TBC1D22B: variants seen among roughly 807,000 people sequenced by gnomAD.
TBC1D22B encodes the protein chromosome 6 open reading frame 197.
Under a neutral mutation model 69.1 loss-of-function variants are expected in TBC1D22B, and 32 were observed. The observed-to-expected ratio is 0.46, with a 90% CI of 0.35 to 0.62. TBC1D22B has a LOEUF of 0.62. TBC1D22B is among the 20% of genes least tolerant of loss of function. The pLI is 0.00. For missense variants in TBC1D22B, 462 were observed against 630.9 expected (o/e 0.73, Z 2.87); for synonymous variants, 206 against 229.8 (o/e 0.90, Z 0.94).
chr6:37,309,200 A>G (rs1767828923), intron 8 of TBC1D22B, among the ~76,000 whole-genome samples: 1 of 152,242 alleles, frequency 6.6e-6, no homozygotes, highest in African/African-American at 2.4e-5. Context: ...GCAAAGTCAC[A>G]TAGCTACTGA....
rs1316815218 is a variant in TBC1D22B at position 37,279,461 on chromosome 6, A to G, written c.271A>G (p.Lys91Glu). The G allele has an allele frequency of 8.7e-6, 14 of 1,614,078 alleles. No homozygotes were observed. Among genetic ancestry groups the G allele is most frequent in the African/African-American group, 1.3e-5 (1 of 74,922 alleles). The stretch of plus-strand genomic sequence containing the variant: ...ACCTTCTTTCCAAACTCTGAACTCA[A>G]AAGTTGCTTTGGCAACTGCAGCCCA... ...SSPSFQTLNSKVALATAAQVL... is the reference protein window; with the variant it reads ...SSPSFQTLNSEVALATAAQVL... Residue 91 changes from lysine to glutamate, a missense_variant, in exon 3 of 13, where the codon AAA (lysine) becomes GAA (glutamate). Physicochemically the swap from Lys to Glu is moderately conservative, Grantham distance 56. This residue lies in a region of TBC1D22B where 237 missense variants were observed against 255.4 expected (regional missense o/e 0.93). Transcript: ENST00000373491.
intron 2 of TBC1D22B, among the ~76,000 whole-genome samples, chr6:37,278,732 C>G (rs567846754): frequency 6.6e-6 from 1 of 152,160 alleles, no homozygotes; most frequent in Admixed American, 6.5e-5. Flanking sequence ...GAGTTCAAGA[C>G]CAGCCTGGGC....
intron 2 of TBC1D22B, among the ~76,000 whole-genome samples, chr6:37,276,734 C>A (rs959676627): frequency 5.9e-5 from 9 of 151,856 alleles, no homozygotes; most frequent in African/African-American, 2.2e-4. Flanking sequence ...AATTTGAGAC[C>A]AGCCTGATTA....
At chr6:37,274,775 G>A (rs1766609175) in intron 2 of TBC1D22B, among the ~76,000 whole-genome samples, 1 of 152,222 alleles carries the variant, frequency 6.6e-6, no homozygotes, top group Non-Finnish European at 1.5e-5. Context: ...TTAGGGTGGG[G>A]CATGGTGGCT....
intron 8 of TBC1D22B, among the ~76,000 whole-genome samples, chr6:37,304,882 A>T (rs965105080): frequency 3.5e-4 from 54 of 152,350 alleles, no homozygotes; most frequent in African/African-American, 1.3e-3. Flanking sequence ...AGTGCTATGG[A>T]TAGAAACAAA....
chr6:37,327,245 G>A (rs1282744870), intron 12 of TBC1D22B, among the ~76,000 whole-genome samples: 5 of 95,358 alleles, frequency 5.2e-5, no homozygotes, highest in East Asian at 2.4e-4. Flanking sequence ...TTGGGAGGCC[G>A]AGGCGGGCGG....
intron 8 of TBC1D22B, among the ~76,000 whole-genome samples, chr6:37,307,134 T>A (rs933289582): frequency 6.6e-6 from 1 of 152,216 alleles, no homozygotes; most frequent in Non-Finnish European, 1.5e-5. Flanking sequence ...AAATGCCAGA[T>A]GCATAACACC....
At position 37,307,491 on chromosome 6, in the gene TBC1D22B, G is replaced by A. The variant is rs370365488; in HGVS notation, c.983-5427G>A. ...CTGCCTCAGCCTCCTGAGTAGCTGG[G>A]ACTACAGGCACCTGCCACCATGCCC... On this transcript the variant is annotated intron_variant, in intron 8 of 12. Coordinates refer to ENST00000373491, the MANE Select transcript of TBC1D22B (RefSeq NM_017772.4). Among the ~76,000 whole-genome samples the A allele has an allele frequency of 2.0e-5, 3 of 151,968 alleles. No homozygotes were observed. The South Asian group carries it at 6.2e-4, about 32-fold the overall frequency.
intron 1 of TBC1D22B, among the ~76,000 whole-genome samples, chr6:37,267,412 A>G (rs149734056): frequency 0.021 from 2,916 of 141,074 alleles, 117 homozygotes; most frequent in African/African-American, 0.074. Context: ...TATATAATAT[A>G]TATATACACA....
chr6:37,312,862 TTCTC>T (rs1041714980), intron 8 of TBC1D22B, 52 bp from the exon 9 acceptor site: 2 of 1,434,904 alleles, frequency 1.4e-6, no homozygotes, highest in East Asian at 2.3e-5. Context: ...GAATCTATCT[TTCTC>T]TCTCCATTTT....
At chr6:37,297,309 A>G (rs961700454) in intron 8 of TBC1D22B, among the ~76,000 whole-genome samples, 7 of 152,084 alleles carry the variant, frequency 4.6e-5, no homozygotes, top group Non-Finnish European at 8.8e-5. Context: ...GCTCCCATCC[A>G]TCTCTCTTTC....
At chr6:37,267,482 C>CTATATATAATATATATATACACA (rs1766335734) in intron 1 of TBC1D22B, among the ~76,000 whole-genome samples, 1 of 138,106 alleles carries the variant, frequency 7.2e-6, no homozygotes, top group African/African-American at 2.8e-5. Flanking sequence ...TATATATACA[C>CTATATATAATATATATATACACA]TATATATAAT....
intron 8 of TBC1D22B, among the ~76,000 whole-genome samples, chr6:37,302,069 A>G (rs1767588696): frequency 6.6e-6 from 1 of 152,146 alleles, no homozygotes; most frequent in South Asian, 2.1e-4. Flanking sequence ...TACCACCTCT[A>G]TCACTTTTAA....
chr6:37,314,238 A>G (rs1366696003), intron 10 of TBC1D22B, among the ~76,000 whole-genome samples: 1 of 151,900 alleles, frequency 6.6e-6, no homozygotes, highest in Non-Finnish European at 1.5e-5. Context: ...TCTCTTCCAA[A>G]CTATCTGTCA....
At chr6:37,267,604 TTTTTA>T (rs1766350579) in intron 1 of TBC1D22B, among the ~76,000 whole-genome samples, 1 of 149,706 alleles carries the variant, frequency 6.7e-6, no homozygotes, top group African/African-American at 2.4e-5. Flanking sequence ...AAGATTTATC[TTTTTA>T]TTTTAGTGAT....
At chr6:37,284,057 C>G (rs1291336862) in intron 5 of TBC1D22B, among the ~76,000 whole-genome samples, 1 of 152,220 alleles carries the variant, frequency 6.6e-6, no homozygotes, top group African/African-American at 2.4e-5. Context: ...TGTGCCAGCT[C>G]TGGGAGCTGA....
chr6:37,268,566 T>C (rs1766379781), intron 1 of TBC1D22B, among the ~76,000 whole-genome samples: 1 of 152,180 alleles, frequency 6.6e-6, no homozygotes, highest in Admixed American at 6.5e-5. Flanking sequence ...GAAAAGCACA[T>C]GAAGCACAAA....
intron 10 of TBC1D22B, 149 bp from the exon 11 acceptor site, chr6:37,316,554 T>G: frequency 2.5e-6 from 2 of 799,302 alleles, no homozygotes; most frequent in Non-Finnish European, 4.1e-6. Flanking sequence ...GAATCAAACA[T>G]AAAGGACAGT....
chr6:37,315,302 C>T (rs1184895376), intron 10 of TBC1D22B, among the ~76,000 whole-genome samples: 2 of 152,142 alleles, frequency 1.3e-5, no homozygotes, highest in African/African-American at 4.8e-5. Flanking sequence ...GGGACGGTGA[C>T]TCACACCTGT....
Sources: gnomAD v4.1 joint callset for allele counts (sites outside exome capture counted in the v4.1 genomes callset) on GRCh38, gnomAD v4.1.1 for gene constraint, gnomAD v4.1.1 regional missense constraint, MANE v1.5 for transcripts, NCBI Gene and HGNC (gene_info 2026-07-23, HGNC 2026-07-21) for gene names.